The following LRP11 variants were observed in gnomAD, a reference collection of about 807,000 sequenced individuals.
LRP11 encodes the protein low-density lipoprotein receptor-related protein 11.
A neutral mutation model predicts 43.1 loss-of-function variants in LRP11; 25 were observed. The ratio of observed to expected loss-of-function variants is 0.58; its 90% CI spans 0.42 to 0.81. LRP11 has a LOEUF of 0.81. Among genes scored for constraint, LRP11 ranks in the 30% least tolerant of loss-of-function variants. The pLI is 0.00. For missense variants in LRP11, 623 were observed against 665.1 expected (o/e 0.94, Z 0.70); for synonymous variants, 316 against 299.4 (o/e 1.06, Z -0.57).
chr6:149,864,326 CG>C lies in LRP11; in HGVS notation c.-307del. ...GCGCTGGGTGGCGACGAGTCGGCCT[CG>C]GCGTTGATCAGCACCAGGTGTGTGC... On this transcript the variant is annotated 5_prime_UTR_variant, in exon 1 of 7. Transcript: ENST00000239367. 9.8e-7 allele frequency: 1 copy of C among 1,018,110 alleles called. No homozygotes were observed. The highest frequency in any genetic ancestry group is 1.2e-6 in the Non-Finnish European group (1 of 851,864). 63.1% of individuals were successfully genotyped at this position (1,018,110 alleles called of 1,614,324 possible). A position where few individuals can be genotyped will look rare whatever the true frequency, so the allele number is the denominator to read the frequency against.
At chr6:149,849,499 G>A (rs1192684088) in intron 2 of LRP11, among the ~76,000 whole-genome samples, 3 of 152,160 alleles carry the variant, frequency 2.0e-5, no homozygotes, top group Non-Finnish European at 4.4e-5. Flanking sequence ...GCTCATGCCT[G>A]TAATTTCAAC....
chr6:149,863,906 A>G lies in LRP11; in HGVS notation c.115T>C (p.Leu39=). Residue 39 remains leucine, a synonymous_variant, in exon 1 of 7, where the codon TTG becomes CTG. Transcript: ENST00000239367. ...TCGGACAGCGGCGCCGCGGGCGGCA[A>G]GGCCGCACGGCCGCTTGGCAGCCAC... is the stretch of plus-strand genomic sequence containing the variant. ...CLWLPSGRAA[L]PPAAPLSELH... 4 of 1,484,108 alleles carry G rather than the reference A, an allele frequency of 2.7e-6. No individual in the cohort carries two copies. The highest frequency in any genetic ancestry group is 3.6e-6 in the Non-Finnish European group (4 of 1,124,922). The allele number at this position is 1,484,108 out of a possible 1,614,324, so 91.9% of individuals were successfully genotyped here.
intron 1 of LRP11, among the ~76,000 whole-genome samples, chr6:149,861,982 T>C (rs1036029212): frequency 6.6e-6 from 1 of 152,216 alleles, no homozygotes; most frequent in Non-Finnish European, 1.5e-5. Context: ...CTTTGTTTCT[T>C]TGCTGCTGGG....
chr6:149,846,428 C>G (rs547557763), intron 2 of LRP11, among the ~76,000 whole-genome samples: 83 of 152,332 alleles, frequency 5.4e-4, no homozygotes, highest in Non-Finnish European at 1.1e-3. Flanking sequence ...GAAAGCTGCT[C>G]TGTCCCAGCT....
chr6:149,862,065 G>A (rs1019666710), intron 1 of LRP11, among the ~76,000 whole-genome samples: 2 of 152,138 alleles, frequency 1.3e-5, no homozygotes, highest in Non-Finnish European at 2.9e-5. Flanking sequence ...ATGCTGATGG[G>A]GGGTCCAAGT....
At chr6:149,854,920 A>AC (rs1360898943) in intron 1 of LRP11, among the ~76,000 whole-genome samples, 1 of 152,232 alleles carries the variant, frequency 6.6e-6, no homozygotes, top group Non-Finnish European at 1.5e-5. Context: ...ACAAAAGGTG[A>AC]CCACTCTTGA....
intron 1 of LRP11, among the ~76,000 whole-genome samples, chr6:149,856,744 T>C (rs1776804676): frequency 6.6e-6 from 1 of 152,170 alleles, no homozygotes. Flanking sequence ...AGAAGTGTAA[T>C]ATAATATCAA....
chr6:149,858,824 T>C (rs1398890834), intron 1 of LRP11, among the ~76,000 whole-genome samples: 2 of 152,158 alleles, frequency 1.3e-5, no homozygotes, highest in South Asian at 4.1e-4. Context: ...CCATTATAAA[T>C]AATGCCATAA....
Position 149,820,337 on chromosome 6 carries a change from G to T in LRP11, c.*212C>A. 1 of 406,108 alleles carries T rather than the reference G, an allele frequency of 2.5e-6. No homozygotes were observed. Among genetic ancestry groups the T allele is most frequent in the Non-Finnish European group, 4.4e-6 (1 of 229,112 alleles). 25.2% of individuals were successfully genotyped at this position (406,108 alleles called of 1,614,324 possible). ...ACATAAATCAGAATTATATTTTTAG[G>T]AATCTTTAATCATGAATTCCTCTCT... On this transcript the variant is annotated 3_prime_UTR_variant, in exon 7 of 7. Transcript: ENST00000239367.
chr6:149,826,438 A>AT (rs1241222328), intron 5 of LRP11, 79 bp from the exon 6 acceptor site: 805 of 954,858 alleles, frequency 8.4e-4, no homozygotes, highest in Non-Finnish European at 1.0e-3. Flanking sequence ...ATACAGCCTT[A>AT]TTTTTTTTTA....
At chr6:149,826,211 T>C in intron 6 of LRP11, 53 bp downstream of exon 6, 2 of 1,329,772 alleles carry the variant, frequency 1.5e-6, no homozygotes, top group East Asian at 2.3e-5. Flanking sequence ...CCAGAGGGCA[T>C]GCAGTTCTGA....
chr6:149,845,577 C>T (rs1776619859), intron 2 of LRP11, among the ~76,000 whole-genome samples: 6 of 152,282 alleles, frequency 3.9e-5, no homozygotes, highest in Admixed American at 2.6e-4. Context: ...GGGTCATTTA[C>T]GTGAGTGCTA....
Position 149,826,259 on chromosome 6 carries a change from T to A in LRP11, c.1348+5A>T, listed in dbSNP as rs200269332. The A allele has an allele frequency of 1.6e-4, 253 of 1,607,750 alleles. No individual in the cohort carries two copies. The African/African-American group carries it at 3.2e-3, about 20-fold the overall frequency. ...CTGCAAAGGGTTTCCAAGGTGGACA[T>A]TTACCTGTTTCTGGGGCTGGGTGTT... On this transcript the variant is annotated splice_donor_5th_base_variant and intron_variant, in intron 6 of 6. Transcript: ENST00000239367.
chr6:149,851,647 T>C (rs1196321216), intron 2 of LRP11, among the ~76,000 whole-genome samples: 2 of 152,092 alleles, frequency 1.3e-5, no homozygotes, highest in Admixed American at 6.5e-5. Context: ...CAGTGATGAG[T>C]AATGTCATGG....
intron 5 of LRP11, among the ~76,000 whole-genome samples, chr6:149,829,891 T>C (rs2115377090): frequency 6.6e-6 from 1 of 152,296 alleles, no homozygotes; most frequent in South Asian, 2.1e-4. Context: ...ACCACTGGAC[T>C]TGAATGTTCT....
chr6:149,825,537 CT>C (rs1776326846), intron 6 of LRP11, among the ~76,000 whole-genome samples: 1 of 152,158 alleles, frequency 6.6e-6, no homozygotes, highest in Non-Finnish European at 1.5e-5. Context: ...CCCATATATT[CT>C]TCTCAGCAAC....
At chr6:149,861,577 A>C (rs1776896248) in intron 1 of LRP11, among the ~76,000 whole-genome samples, 1 of 152,032 alleles carries the variant, frequency 6.6e-6, no homozygotes, top group African/African-American at 2.4e-5. Context: ...GCAGTGGCGC[A>C]ATCTGTACTC....
chr6:149,837,300 T>G, intron 4 of LRP11, 38 bp downstream of exon 4: 1 of 1,602,738 alleles, frequency 6.2e-7, no homozygotes. Context: ...CTCCATCCCT[T>G]CCAGCCACTG....
intron 5 of LRP11, 133 bp from the exon 6 acceptor site, chr6:149,826,492 G>T: frequency 1.6e-6 from 1 of 626,648 alleles, no homozygotes; most frequent in East Asian, 2.8e-5. Context: ...ACTAAACAAA[G>T]GCCTATGTTT....
Sources: allele counts gnomAD v4.1 joint callset (sites outside exome capture counted in the v4.1 genomes callset), GRCh38; gene constraint gnomAD v4.1.1; transcripts MANE v1.5; gene names NCBI Gene and HGNC (gene_info 2026-07-23, HGNC 2026-07-21).